The following PLA2G10 variants were observed in gnomAD, a reference collection of about 807,000 sequenced individuals.
PLA2G10 encodes the protein phospholipase A2 group X.
PLA2G10 carries 9 observed loss-of-function variants against 7.9 expected under a neutral mutation model. The ratio of observed to expected loss-of-function variants is 1.14; its 90% confidence interval spans 0.68 to 1.98. PLA2G10 has a LOEUF of 1.98. Ranked by LOEUF, PLA2G10 falls within the 30% of genes most tolerant of loss-of-function variation. PLA2G10 has a pLI of 0.00. For missense variants in PLA2G10, 53 were observed against 65.4 expected (o/e 0.81, Z 0.66); for synonymous variants, 19 against 27.5 (o/e 0.69, Z 0.97).
chr16:14,674,138 A>T (rs988967208), intron 3 of PLA2G10, among the ~76,000 whole-genome samples: 1 of 152,058 alleles, frequency 6.6e-6, no homozygotes, highest in Admixed American at 6.6e-5. Context: ...AAAAAAAAAA[A>T]GGAAAATAGC....
chr16:14,686,975 G>T (rs1961091066), intron 3 of PLA2G10, among the ~76,000 whole-genome samples: 2 of 151,906 alleles, frequency 1.3e-5, no homozygotes, highest in African/African-American at 4.8e-5. Context: ...AGGTGTAGTG[G>T]CAGGCACCTG....
At chr16:14,687,383 C>A (rs990214345) in intron 3 of PLA2G10, among the ~76,000 whole-genome samples, 4 of 145,744 alleles carry the variant, frequency 2.7e-5, no homozygotes, top group African/African-American at 7.6e-5. Flanking sequence ...GGCTGGAGTG[C>A]TGTGACTCGA....
intron 3 of PLA2G10, among the ~76,000 whole-genome samples, chr16:14,679,432 C>T (rs1416892923): frequency 1.3e-5 from 2 of 151,944 alleles, no homozygotes; most frequent in East Asian, 1.9e-4. Context: ...GAGGCCGAGG[C>T]GGGCAGTTCA....
chr16:14,693,322 TG>T (rs1259422181), intron 1 of PLA2G10, among the ~76,000 whole-genome samples: 1 of 33,964 alleles, frequency 2.9e-5, no homozygotes, highest in African/African-American at 1.1e-4. Flanking sequence ...TGTGTGTGTG[TG>T]TGTGTGTGTG....
chr16:14,677,516 A>G (rs1208129935), intron 3 of PLA2G10, among the ~76,000 whole-genome samples: 4 of 152,034 alleles, frequency 2.6e-5, no homozygotes, highest in Non-Finnish European at 5.9e-5. Context: ...ACAGGCGCAC[A>G]CCACCACGCC....
intron 3 of PLA2G10, among the ~76,000 whole-genome samples, chr16:14,677,412 G>A (rs1025074546): frequency 6.6e-6 from 1 of 152,118 alleles, no homozygotes; most frequent in Non-Finnish European, 1.5e-5. Context: ...CTGTTGCCAG[G>A]CTGGAGTGCA....
At chr16:14,674,659 C>A (rs563170595) in intron 3 of PLA2G10, among the ~76,000 whole-genome samples, 13 of 151,694 alleles carry the variant, frequency 8.6e-5, no homozygotes, top group Non-Finnish European at 7.4e-5. Flanking sequence ...TGAGATCATG[C>A]CCCCTGCACT....
At chr16:14,682,932 G>T (rs71374722) in intron 3 of PLA2G10, among the ~76,000 whole-genome samples, 1 of 151,978 alleles carries the variant, frequency 6.6e-6, no homozygotes, top group Non-Finnish European at 1.5e-5. Flanking sequence ...AACTGGGTGT[G>T]GTGGCAGGGG....
intron 3 of PLA2G10, among the ~76,000 whole-genome samples, chr16:14,676,732 G>T (rs893453750): frequency 2.0e-5 from 3 of 152,128 alleles, no homozygotes; most frequent in African/African-American, 7.2e-5. Context: ...ATACTACTTA[G>T]CCATAAAAAA....
chr16:14,680,089 C>G (rs1484138335), intron 3 of PLA2G10, among the ~76,000 whole-genome samples: 1 of 148,326 alleles, frequency 6.7e-6, no homozygotes, highest in African/African-American at 2.4e-5. Context: ...TTCTTCCTTT[C>G]TTTTTGCTTT....
intron 3 of PLA2G10, among the ~76,000 whole-genome samples, chr16:14,679,128 T>C (rs1960809634): frequency 6.6e-6 from 1 of 152,154 alleles, no homozygotes; most frequent in South Asian, 2.1e-4. Context: ...CACTCCTGCT[T>C]TTTGTTATTG....
intron 3 of PLA2G10, among the ~76,000 whole-genome samples, chr16:14,684,501 A>G (rs1960993902): frequency 6.6e-6 from 1 of 151,810 alleles, no homozygotes; most frequent in African/African-American, 2.4e-5. Flanking sequence ...CCCAGTCTCT[A>G]CTAAAAATAC....
intron 3 of PLA2G10, among the ~76,000 whole-genome samples, chr16:14,687,288 G>GTT (rs964262041): frequency 1.3e-5 from 2 of 150,404 alleles, no homozygotes; most frequent in Admixed American, 6.6e-5. Flanking sequence ...TAATTGCAGG[G>GTT]TTTTTTTTAT....
intron 3 of PLA2G10, among the ~76,000 whole-genome samples, chr16:14,673,857 C>G (rs1257195013): frequency 6.6e-6 from 1 of 152,088 alleles, no homozygotes; most frequent in African/African-American, 2.4e-5. Flanking sequence ...CTCACCACTT[C>G]TATTCAGCAA....
At chr16:14,675,746 C>G (rs568503541) in intron 3 of PLA2G10, among the ~76,000 whole-genome samples, 1 of 151,918 alleles carries the variant, frequency 6.6e-6, no homozygotes, top group Non-Finnish European at 1.5e-5. Context: ...CGAGACCAGC[C>G]TAGCCAACAT....
At chr16:14,686,569 C>T (rs1379247658) in intron 3 of PLA2G10, among the ~76,000 whole-genome samples, 2 of 152,154 alleles carry the variant, frequency 1.3e-5, no homozygotes, top group East Asian at 1.9e-4. Context: ...AGTACGATCT[C>T]GGCTCACTGC....
At chr16:14,683,146 C>A (rs1352276512) in intron 3 of PLA2G10, among the ~76,000 whole-genome samples, 1 of 152,108 alleles carries the variant, frequency 6.6e-6, no homozygotes, top group Non-Finnish European at 1.5e-5. Context: ...GGTAAGGAAG[C>A]TGGGGTTAAG....
At chr16:14,680,751 G>A (rs984681738) in intron 3 of PLA2G10, among the ~76,000 whole-genome samples, 3 of 152,080 alleles carry the variant, frequency 2.0e-5, no homozygotes, top group South Asian at 2.1e-4. Flanking sequence ...AGCACTTGGC[G>A]CACACACTAC....
rs368614298 is a variant in PLA2G10, at chr16:14,673,255, T to A, written c.356-506A>T. Reference sequence around the variant, plus strand: ...CCAGGATGGTCTCGAACTCCTGACCTCAGGTGATCCACCTACCTCGGCCTC... The same window carrying A: ...CCAGGATGGTCTCGAACTCCTGACCACAGGTGATCCACCTACCTCGGCCTC... On this transcript the variant is annotated intron_variant, in intron 3 of 3. Transcript: ENST00000438167. 1.4e-3 allele frequency among the ~76,000 whole-genome samples: 214 copies of A among 152,172 alleles called. 1 individual carries two copies. Among genetic ancestry groups the A allele is most frequent in the African/African-American group, 4.6e-3 (193 of 41,522 alleles).
Sources: gnomAD v4.1 joint callset for allele counts (sites outside exome capture counted in the v4.1 genomes callset) on GRCh38, gnomAD v4.1.1 for gene constraint, MANE v1.5 for transcripts, NCBI Gene and HGNC (gene_info 2026-07-23, HGNC 2026-07-21) for gene names.